HMCES: variants seen among roughly 807,000 people sequenced by gnomAD.
The protein encoded by HMCES is abasic site processing protein HMCES.
In HMCES, 27 loss-of-function variants were observed where a neutral mutation model predicts 35.1. The ratio of observed to expected loss-of-function variants is 0.77; its 90% CI spans 0.57 to 1.06. The LOEUF (loss-of-function observed/expected upper bound fraction) is 1.06, where lower values mean the gene tolerates loss of function less well. Ranked by LOEUF, HMCES falls within the 50% of genes least tolerant of loss-of-function variation. The pLI is 0.00. For synonymous variants in HMCES, 130 were observed against 154.7 expected (o/e 0.84, Z 1.18); for missense variants, 391 against 430.4 (o/e 0.91, Z 0.81).
Position 129,302,051 on chromosome 3 carries a change from A to C in HMCES, c.737A>C (p.Asn246Thr). The change falls in exon 6 of 7, where the codon AAC becomes ACC. Residue 246 changes from asparagine (N) to threonine (T), a missense_variant. Coordinates refer to ENST00000383463, the MANE Select transcript of HMCES (RefSeq NM_020187.3). ...EALKLIHPTE[N>T]ITFHAVSSVV... The stretch of plus-strand genomic sequence containing the variant: ...CTGAAATTAATCCACCCAACAGAGA[A>C]CATCACCTTCCATGCAGTCTCTTCT... 1 of 1,614,160 alleles carries C rather than the reference A, an allele frequency of 6.2e-7. No individual in the cohort carries two copies. The highest frequency in any genetic ancestry group is 8.5e-7 in the Non-Finnish European group (1 of 1,180,010).
chr3:129,286,170 A>G (rs1163781141), intron 2 of HMCES, among the ~76,000 whole-genome samples: 1 of 152,238 alleles, frequency 6.6e-6, no homozygotes, highest in Non-Finnish European at 1.5e-5. Flanking sequence ...CACAGCTGCT[A>G]TGGTTTGAAT....
rs558436057 is a variant in HMCES, at chr3:129,287,209, G to T, written c.184-1645G>T. On this transcript the variant is annotated intron_variant, in intron 2 of 6. Coordinates refer to ENST00000383463, the MANE Select transcript of HMCES (RefSeq NM_020187.3). Reference sequence around the variant, plus strand: ...CAGTGTTTTTGTTTTTTTTTGTGGGGTTTTTTTGTTTTGTTTTGTTTTGTT... The same window carrying T: ...CAGTGTTTTTGTTTTTTTTTGTGGGTTTTTTTTGTTTTGTTTTGTTTTGTT... 3.0e-3 allele frequency among the ~76,000 whole-genome samples: 450 copies of T among 149,264 alleles called. 2 individuals are homozygous for T. Among genetic ancestry groups the T allele is most frequent in the African/African-American group, 0.01 (391 of 38,920 alleles).
At position 129,304,778 on chromosome 3, in the gene HMCES, C is replaced by CG. The variant is rs36104687; in HGVS notation, c.1021dup (p.Glu341GlyfsTer32). The CG allele has an allele frequency of 1.1e-5, 18 of 1,613,946 alleles. No homozygotes were observed. The African/African-American group carries it at 2.4e-4, about 22-fold the overall frequency. ...AGGACTCCTAGAGCAATGGCTGAAG[C>CG]GGGAGAAGGAGGAGGAACCTGTGGC... is the stretch of plus-strand genomic sequence containing the variant. On this transcript the variant is annotated frameshift_variant, in exon 7 of 7. Coordinates refer to ENST00000383463, the MANE Select transcript of HMCES (RefSeq NM_020187.3). LOFTEE classifies it high-confidence loss of function.
intron 3 of HMCES, among the ~76,000 whole-genome samples, chr3:129,290,438 C>A (rs747578131): frequency 1.4e-4 from 21 of 152,044 alleles, no homozygotes; most frequent in Middle Eastern, 3.4e-3. Context: ...TGTGCACTAC[C>A]ACGCCCAGCT....
Position 129,305,754 on chromosome 3 carries a change from G to A in HMCES, c.*929G>A, listed in dbSNP as rs538058966. On this transcript the variant is annotated 3_prime_UTR_variant, in exon 7 of 7. Transcript: ENST00000383463. The stretch of plus-strand genomic sequence containing the variant: ...GGCGTTGGCCGATTGCTGCTGGTGG[G>A]GGGCGGGGGTGCAGGCCCCAGTCTC... 2 of 152,564 alleles carry A rather than the reference G, an allele frequency of 1.3e-5. No individual in the cohort carries two copies. The highest frequency in any genetic ancestry group is 6.5e-5 in the Admixed American group (1 of 15,308). 9.5% of individuals were successfully genotyped at this position (152,564 alleles called of 1,614,324 possible).
chr3:129,289,073 C>T (rs1039526127), intron 3 of HMCES, 76 bp downstream of exon 3: 38 of 1,149,368 alleles, frequency 3.3e-5, no homozygotes, highest in Middle Eastern at 5.2e-4. Context: ...TCCTAGCCTA[C>T]AGAGGACAAC....
At chr3:129,282,301 A>C (rs73862862) in intron 2 of HMCES, among the ~76,000 whole-genome samples, 18,693 of 151,708 alleles carry the variant, frequency 0.12, 1,408 homozygotes, top group Middle Eastern at 0.23. Context: ...TTAACAAAAA[A>C]AAAAAAAAAA....
intron 3 of HMCES, among the ~76,000 whole-genome samples, chr3:129,290,421 C>G (rs908795190): frequency 1.3e-5 from 2 of 151,904 alleles, no homozygotes; most frequent in African/African-American, 4.8e-5. Flanking sequence ...GTAGCAGGGA[C>G]TACAGGTGTG....
intron 4 of HMCES, among the ~76,000 whole-genome samples, chr3:129,292,069 C>T (rs1576986055): frequency 6.6e-6 from 1 of 151,990 alleles, no homozygotes; most frequent in Non-Finnish European, 1.5e-5. Context: ...GAGTGAGACC[C>T]CATCTCAAAA....
intron 2 of HMCES, among the ~76,000 whole-genome samples, chr3:129,284,367 A>T (rs561096418): frequency 6.6e-6 from 1 of 152,234 alleles, no homozygotes. Flanking sequence ...GGCATGAGTT[A>T]TAGTGCTCTT....
intron 2 of HMCES, among the ~76,000 whole-genome samples, chr3:129,284,737 A>G (rs927228429): frequency 4.6e-5 from 7 of 152,270 alleles, no homozygotes; most frequent in Middle Eastern, 3.4e-3. Context: ...ACATAGTGAA[A>G]CCCTGTCTCT....
chr3:129,290,957 C>T (rs938184504), intron 4 of HMCES, among the ~76,000 whole-genome samples, 153 bp downstream of exon 4: 1 of 152,148 alleles, frequency 6.6e-6, no homozygotes, highest in Non-Finnish European at 1.5e-5. Context: ...GATCCCAGCA[C>T]TTTGGGAGCC....
intron 4 of HMCES, among the ~76,000 whole-genome samples, chr3:129,296,589 T>G (rs1463237376): frequency 6.6e-6 from 1 of 152,198 alleles, no homozygotes; most frequent in East Asian, 1.9e-4. Context: ...TAGCTTTTTT[T>G]GTGTGTCTTG....
At chr3:129,304,486 C>T in intron 6 of HMCES, 103 bp from the exon 7 acceptor site, 1 of 959,226 alleles carries the variant, frequency 1.0e-6, no homozygotes, top group South Asian at 1.5e-5. Context: ...TTTTCCAAGC[C>T]TGGGTAAGTA....
At chr3:129,294,417 C>T (rs534759558) in intron 4 of HMCES, among the ~76,000 whole-genome samples, 35 of 152,014 alleles carry the variant, frequency 2.3e-4, no homozygotes, top group Admixed American at 6.6e-4. Context: ...AGTGAGACTC[C>T]GTCTCAAAAA....
At chr3:129,284,720 G>A (rs548745141) in intron 2 of HMCES, among the ~76,000 whole-genome samples, 31 of 152,112 alleles carry the variant, frequency 2.0e-4, no homozygotes, top group African/African-American at 6.5e-4. Flanking sequence ...CGAGACCAGC[G>A]TAACCAACAT....
intron 4 of HMCES, among the ~76,000 whole-genome samples, chr3:129,297,412 G>A (rs1027555815): frequency 2.0e-5 from 3 of 151,980 alleles, no homozygotes; most frequent in Non-Finnish European, 2.9e-5. Context: ...TATTATTACC[G>A]TTTCCCTGGC....
intron 3 of HMCES, among the ~76,000 whole-genome samples, chr3:129,289,247 C>T (rs995683912): frequency 2.0e-5 from 3 of 152,200 alleles, no homozygotes; most frequent in Admixed American, 1.3e-4. Flanking sequence ...GGGCAGTTTT[C>T]ACTTGGAAGT....
At position 129,279,943 on chromosome 3, in the gene HMCES, C is replaced by G. The variant is rs372621184; in HGVS notation, c.183+28C>G. ...AACCAGCATTGCACTATGCTAGCCC[C>G]TCGCCCAGCCTCGTGATGGTCATCT... On this transcript the variant is annotated intron_variant, in intron 2 of 6. Coordinates refer to ENST00000383463, the MANE Select transcript of HMCES (RefSeq NM_020187.3). The surrounding 1 kb of genome is among the most constrained non-coding windows in gnomAD (Gnocchi z 4.2). 1.7e-5 allele frequency: 25 copies of G among 1,503,810 alleles called. No homozygotes were observed. Among genetic ancestry groups the G allele is most frequent in the African/African-American group, 4.3e-5 (3 of 70,438 alleles). 93.2% of individuals were successfully genotyped at this position (1,503,810 alleles called of 1,614,324 possible).
Sources: gnomAD v4.1 joint callset for allele counts (sites outside exome capture counted in the v4.1 genomes callset) on GRCh38, gnomAD v4.1.1 for gene constraint, Gnocchi (gnomAD v3.1) non-coding constraint, MANE v1.5 for transcripts, NCBI Gene and HGNC (gene_info 2026-07-23, HGNC 2026-07-21) for gene names.